SEZ6: variants seen among roughly 807,000 people sequenced by gnomAD.
The protein encoded by SEZ6 is seizure protein 6 homolog.
A neutral mutation model predicts 101.0 loss-of-function variants in SEZ6; 53 were observed. The observed-to-expected ratio is 0.52, with a 90% CI of 0.42 to 0.66. The LOEUF (loss-of-function observed/expected upper bound fraction) is 0.66, where lower values mean the gene tolerates loss of function less well. Ranked by LOEUF, SEZ6 falls within the 30% of genes least tolerant of loss-of-function variation. The pLI, the probability that SEZ6 is intolerant of heterozygous loss-of-function variation, is 0.00. For missense variants in SEZ6, 1,102 were observed against 1,289.4 expected, an observed-to-expected ratio of 0.85 and a Z score of 2.23; for synonymous variants, 488 against 512.2, an observed-to-expected ratio of 0.95 and a Z score of 0.64.
intron 4 of SEZ6, among the ~76,000 whole-genome samples, chr17:28,966,469 TGA>T (rs1598186241): frequency 6.6e-6 from 1 of 151,786 alleles, no homozygotes; most frequent in Non-Finnish European, 1.5e-5. Flanking sequence ...GGCGGCAGAG[TGA>T]GACTCTTTCT....
Position 28,956,178 on chromosome 17 carries a change from T to C in SEZ6, c.2933A>G (p.Asn978Ser). ...ACTTACTCCAGTCTCGTAAGTTGGA[T>C]TGTCAAACGCTGACTCTATGGTAAT... is the stretch of plus-strand genomic sequence containing the variant. ...NRITIESAFD[N>S]PTYETGSLSF... is the part of the protein sequence containing the mutation. Residue 978 changes from asparagine (N) to serine (S), a missense_variant, in exon 16 of 17, where the codon AAT (asparagine) becomes AGT (serine). Coordinates refer to ENST00000317338, the MANE Select transcript of SEZ6 (RefSeq NM_178860.5). 1 of 1,392,176 alleles carries C rather than the reference T, an allele frequency of 7.2e-7. No homozygotes were observed. Among genetic ancestry groups the C allele is most frequent in the East Asian group, 4.0e-5 (1 of 24,912 alleles). 86.2% of individuals were successfully genotyped at this position (1,392,176 alleles called of 1,614,324 possible).
Position 28,959,972 on chromosome 17 carries a change from C to T in SEZ6, c.1577-80G>A. 6.9e-7 allele frequency: 1 copy of T among 1,442,766 alleles called. No individual in the cohort carries two copies. Among genetic ancestry groups the T allele is most frequent in the Non-Finnish European group, 9.4e-7 (1 of 1,064,208 alleles). The allele number at this position is 1,442,766 out of a possible 1,614,324, so 89.4% of individuals were successfully genotyped here. Reference sequence around the variant, plus strand: ...GGCAAGCATCCCCCTACTTCCCTCCCCAGAGCCTTTCTTTTCCTGGGTACG... The same window carrying T: ...GGCAAGCATCCCCCTACTTCCCTCCTCAGAGCCTTTCTTTTCCTGGGTACG... On this transcript the variant is annotated intron_variant, in intron 7 of 16. Transcript: ENST00000317338. The surrounding 1 kb of genome is among the most constrained non-coding windows in gnomAD (Gnocchi z 4.4).
chr17:28,962,862 C>T (rs1332419221), intron 5 of SEZ6, among the ~76,000 whole-genome samples: 1 of 148,404 alleles, frequency 6.7e-6, no homozygotes, highest in Non-Finnish European at 1.5e-5. Flanking sequence ...CGGTGGCTCA[C>T]GCCTGTAATC....
intron 2 of SEZ6, among the ~76,000 whole-genome samples, chr17:28,980,126 C>T (rs912791131): frequency 2.0e-5 from 3 of 151,494 alleles, no homozygotes; most frequent in Non-Finnish European, 2.9e-5. Flanking sequence ...GGATTACAGG[C>T]GTGAGCCACT....
chr17:28,991,991 G>C (rs1568000651), intron 1 of SEZ6, among the ~76,000 whole-genome samples: 1 of 152,188 alleles, frequency 6.6e-6, no homozygotes, highest in Non-Finnish European at 1.5e-5. Context: ...GCTGCGCTCT[G>C]TTGGCTTGCC....
intron 5 of SEZ6, among the ~76,000 whole-genome samples, chr17:28,963,523 C>T (rs1165722493): frequency 6.6e-6 from 1 of 152,216 alleles, no homozygotes; most frequent in East Asian, 1.9e-4. Context: ...CACCTGCCTG[C>T]CTCTATGTCC....
At chr17:28,962,521 G>C (rs2040994553) in intron 5 of SEZ6, among the ~76,000 whole-genome samples, 1 of 152,196 alleles carries the variant, frequency 6.6e-6, no homozygotes, top group Non-Finnish European at 1.5e-5. Flanking sequence ...GCTCAAGTCT[G>C]TAATCCCAGC....
At chr17:28,957,285 C>T in intron 12 of SEZ6, 43 bp from the exon 13 acceptor site, 1 of 1,611,336 alleles carries the variant, frequency 6.2e-7, no homozygotes, top group Non-Finnish European at 8.5e-7. Context: ...ATGCCCTTGG[C>T]CTCCAGGGCA....
intron 4 of SEZ6, among the ~76,000 whole-genome samples, chr17:28,967,503 T>C (rs149658264): frequency 3.3e-4 from 50 of 152,332 alleles, no homozygotes; most frequent in African/African-American, 1.1e-3. Flanking sequence ...AAGCCTGCTC[T>C]GGGTGGTTGT....
At chr17:28,967,264 A>G (rs1168376486) in intron 4 of SEZ6, among the ~76,000 whole-genome samples, 1 of 152,188 alleles carries the variant, frequency 6.6e-6, no homozygotes, top group Non-Finnish European at 1.5e-5. Context: ...TGATGTCTAC[A>G]ATATGCTTGG....
intron 1 of SEZ6, among the ~76,000 whole-genome samples, chr17:28,987,588 A>T (rs1567998620): frequency 6.6e-6 from 1 of 152,138 alleles, no homozygotes; most frequent in Non-Finnish European, 1.5e-5. Flanking sequence ...CTGAGCAGGG[A>T]TGTGGCTCCT....
At chr17:28,966,589 G>T (rs1354752013) in intron 4 of SEZ6, among the ~76,000 whole-genome samples, 1 of 152,160 alleles carries the variant, frequency 6.6e-6, no homozygotes, top group African/African-American at 2.4e-5. Flanking sequence ...TAACCCTTGG[G>T]GTGGTAGGAA....
chr17:28,977,405 C>T (rs2041235645), intron 3 of SEZ6, among the ~76,000 whole-genome samples: 4 of 152,268 alleles, frequency 2.6e-5, no homozygotes, highest in Admixed American at 2.0e-4. Context: ...AAGGACCCTG[C>T]CCCCATGGCA....
At chr17:28,958,957 C>A (rs1045719481) in intron 10 of SEZ6, 68 bp downstream of exon 10, 1 of 1,503,306 alleles carries the variant, frequency 6.7e-7, no homozygotes, top group African/African-American at 1.4e-5. Context: ...AGGCACCTCA[C>A]TGCCCTAGCC....
Position 28,955,754 on chromosome 17 carries a change from C to T in SEZ6, c.*208G>A, listed in dbSNP as rs1485981905. 3 of 706,600 alleles carry T rather than the reference C, an allele frequency of 4.2e-6. No homozygotes were observed. In the African/African-American group the frequency reaches 5.2e-5, roughly 12 times the overall value. 43.8% of individuals were successfully genotyped at this position (706,600 alleles called of 1,614,324 possible). A position where few individuals can be genotyped will look rare whatever the true frequency, so the allele number is the denominator to read the frequency against. Reference sequence around the variant, plus strand: ...CCCCTGACATGGGCCCAATGAAGGGCCCCAAGTGGGCAATGACACCAAGAA... The same window carrying T: ...CCCCTGACATGGGCCCAATGAAGGGTCCCAAGTGGGCAATGACACCAAGAA... On this transcript the variant is annotated 3_prime_UTR_variant, in exon 17 of 17. Transcript: ENST00000317338.
At chr17:28,989,555 T>C (rs925720338) in intron 1 of SEZ6, among the ~76,000 whole-genome samples, 15 of 152,208 alleles carry the variant, frequency 9.9e-5, no homozygotes, top group Non-Finnish European at 1.6e-4. Context: ...GTCAAGACCC[T>C]ATGTTGCCCA....
Position 28,960,385 on chromosome 17 carries a change from G to A in SEZ6, c.1576+120C>T, listed in dbSNP as rs1345458717. Reference sequence around the variant, plus strand: ...GGGGCCTAAGTACTGAGTGAGCAGGGGCTGACTTGGAAGGAGTGACAGCAT... The same window carrying A: ...GGGGCCTAAGTACTGAGTGAGCAGGAGCTGACTTGGAAGGAGTGACAGCAT... On this transcript the variant is annotated intron_variant, in intron 7 of 16. Coordinates refer to ENST00000317338, the MANE Select transcript of SEZ6 (RefSeq NM_178860.5). 4 of 1,335,474 alleles carry A rather than the reference G, an allele frequency of 3.0e-6. No homozygotes were observed. The African/African-American group carries it at 5.8e-5, about 19-fold the overall frequency. 82.7% of individuals were successfully genotyped at this position (1,335,474 alleles called of 1,614,324 possible). A position where few individuals can be genotyped will look rare whatever the true frequency, so the allele number is the denominator to read the frequency against.
rs762703418 is a variant in SEZ6, at chr17:28,957,460, G to A, written c.2382C>T (p.Thr794=). The A allele has an allele frequency of 1.2e-6, 2 of 1,613,756 alleles. No individual in the cohort carries two copies. The highest frequency in any genetic ancestry group is 2.2e-5 in the East Asian group (1 of 44,874). ...ISSPKFPVGA[T]VQYICDQGFV... Reference sequence around the variant, plus strand: ...AACCCTGGTCACAGATATATTGCACGGTGGCCCCCACGGGAAACTTGGGGC... The same window carrying A: ...AACCCTGGTCACAGATATATTGCACAGTGGCCCCCACGGGAAACTTGGGGC... The change falls in exon 12 of 17, where the codon ACC becomes ACT. Residue 794 remains threonine (T), a synonymous_variant. Coordinates refer to ENST00000317338, the MANE Select transcript of SEZ6 (RefSeq NM_178860.5).
chr17:28,975,531 C>G (rs2041209583), intron 3 of SEZ6, among the ~76,000 whole-genome samples: 1 of 152,206 alleles, frequency 6.6e-6, no homozygotes, highest in Non-Finnish European at 1.5e-5. Flanking sequence ...TGGCACTTAT[C>G]CAGAAAACCT....
Sources: allele counts gnomAD v4.1 joint callset (sites outside exome capture counted in the v4.1 genomes callset), GRCh38; gene constraint gnomAD v4.1.1; non-coding constraint Gnocchi (gnomAD v3.1); transcripts MANE v1.5; gene names NCBI Gene and HGNC (gene_info 2026-07-23, HGNC 2026-07-21).